The following TNFSF4 variants were observed in gnomAD, a reference collection of about 807,000 sequenced individuals.
TNFSF4 encodes the protein tumor necrosis factor ligand superfamily member 4.
Under a neutral mutation model 7.3 loss-of-function variants are expected in TNFSF4, and 4 were observed. The observed-to-expected ratio is 0.55, with a 90% CI of 0.27 to 1.25. The LOEUF is 1.25. Ranked by LOEUF, TNFSF4 falls within the 50% of genes most tolerant of loss-of-function variation. The pLI is 0.12. For missense variants in TNFSF4, 181 were observed against 208.8 expected, an observed-to-expected ratio of 0.87 and a Z score of 0.82; for synonymous variants, 76 against 83.7, an observed-to-expected ratio of 0.91 and a Z score of 0.50.
chr1:173,329,356 C>T, the TNFSF4 span, among the ~76,000 whole-genome samples: 2 of 152,106 alleles, frequency 1.3e-5, no homozygotes, highest in African/African-American at 2.4e-5. Flanking sequence ...ACTTGTTATG[C>T]TGTATTGTCT....
chr1:173,231,193 T>A, the TNFSF4 span, among the ~76,000 whole-genome samples: 4 of 152,218 alleles, frequency 2.6e-5, no homozygotes, highest in Non-Finnish European at 5.9e-5. Context: ...GCAGAAATCC[T>A]CAGTAAATTA....
At chr1:173,432,389 T>C in the TNFSF4 span, among the ~76,000 whole-genome samples, 1 of 152,160 alleles carries the variant, frequency 6.6e-6, no homozygotes. Context: ...TAATTAAAGA[T>C]AAATGAGTTC....
the TNFSF4 span, among the ~76,000 whole-genome samples, chr1:173,406,263 A>G: frequency 9.3e-5 from 14 of 151,290 alleles, no homozygotes; most frequent in South Asian, 4.2e-4. Flanking sequence ...TACTAGGGGG[A>G]AAAAAAGCAC....
At chr1:173,323,166 C>T in the TNFSF4 span, among the ~76,000 whole-genome samples, 1 of 152,182 alleles carries the variant, frequency 6.6e-6, no homozygotes, top group African/African-American at 2.4e-5. Context: ...CTCACACGGC[C>T]GGGTACTCCT....
chr1:173,248,298 A>G, the TNFSF4 span, among the ~76,000 whole-genome samples: 2 of 152,004 alleles, frequency 1.3e-5, no homozygotes, highest in East Asian at 1.9e-4. Flanking sequence ...CGGAGGTTAC[A>G]GTGAGCCAGA....
the TNFSF4 span, among the ~76,000 whole-genome samples, chr1:173,335,473 T>C: frequency 2.0e-5 from 3 of 151,958 alleles, no homozygotes; most frequent in East Asian, 3.9e-4. Context: ...GATCCTGGGG[T>C]GGCAGTCAAC....
At chr1:173,229,549 A>T in the TNFSF4 span, among the ~76,000 whole-genome samples, 1 of 152,346 alleles carries the variant, frequency 6.6e-6, no homozygotes, top group African/African-American at 2.4e-5. Flanking sequence ...ACCAGCTAAC[A>T]TCATAGTGAC....
At chr1:173,306,620 T>C in the TNFSF4 span, among the ~76,000 whole-genome samples, 2 of 151,924 alleles carry the variant, frequency 1.3e-5, no homozygotes, top group African/African-American at 4.8e-5. Flanking sequence ...CCTACACTTG[T>C]CTACACTTCC....
At chr1:173,339,304 C>A in the TNFSF4 span, among the ~76,000 whole-genome samples, 1 of 152,004 alleles carries the variant, frequency 6.6e-6, no homozygotes, top group Non-Finnish European at 1.5e-5. Context: ...TTCACTTGAG[C>A]CCAGGAGCTA....
At chr1:173,325,641 A>T in the TNFSF4 span, among the ~76,000 whole-genome samples, 2 of 152,204 alleles carry the variant, frequency 1.3e-5, no homozygotes, top group Non-Finnish European at 2.9e-5. Flanking sequence ...AGAAGAAAAG[A>T]GAGAAGAATC....
the TNFSF4 span, among the ~76,000 whole-genome samples, chr1:173,260,894 T>C: frequency 3.3e-5 from 5 of 152,104 alleles, no homozygotes; most frequent in African/African-American, 1.2e-4. Context: ...ATAATGGGCA[T>C]CTTTAACACC....
chr1:173,340,282 C>T, the TNFSF4 span, among the ~76,000 whole-genome samples: 1 of 151,442 alleles, frequency 6.6e-6, no homozygotes, highest in Non-Finnish European at 1.5e-5. Flanking sequence ...TTGTCAGCCT[C>T]CATAATTGTA....
the TNFSF4 span, among the ~76,000 whole-genome samples, chr1:173,295,963 T>C: frequency 1.3e-5 from 2 of 152,024 alleles, no homozygotes; most frequent in African/African-American, 4.8e-5. Flanking sequence ...AGACATGTTA[T>C]AGCAAGTTAG....
chr1:173,243,521 T>G, the TNFSF4 span, among the ~76,000 whole-genome samples: 2 of 152,212 alleles, frequency 1.3e-5, no homozygotes, highest in Non-Finnish European at 2.9e-5. Flanking sequence ...TCTGTTACTA[T>G]GCAGTGGATA....
the TNFSF4 span, among the ~76,000 whole-genome samples, chr1:173,371,509 A>G: frequency 1.3e-5 from 2 of 151,486 alleles, no homozygotes; most frequent in African/African-American, 4.9e-5. Context: ...AGGCTAAAAG[A>G]CCCCCCTCCT....
At chr1:173,211,171 T>C (rs1419410001), upstream of TNFSF4, among the ~76,000 whole-genome samples, 1 of 152,182 alleles carries the variant, frequency 6.6e-6, no homozygotes, top group East Asian at 1.9e-4. Flanking sequence ...GTGTACTCAG[T>C]GCCAATCTCT....
At chr1:173,305,291 T>C in the TNFSF4 span, among the ~76,000 whole-genome samples, 1 of 151,952 alleles carries the variant, frequency 6.6e-6, no homozygotes, top group South Asian at 2.1e-4. Context: ...TTTCAGTATC[T>C]CCATGTACCC....
chr1:173,438,461 C>A, the TNFSF4 span, among the ~76,000 whole-genome samples: 1 of 152,116 alleles, frequency 6.6e-6, no homozygotes, highest in Non-Finnish European at 1.5e-5. Context: ...AAGTGTACTT[C>A]TTTGACCACA....
chr1:173,277,425 G>A, the TNFSF4 span, among the ~76,000 whole-genome samples: 2 of 152,070 alleles, frequency 1.3e-5, no homozygotes, highest in Non-Finnish European at 2.9e-5. Context: ...CCCAATTTTG[G>A]GGGGATGCCC....
Sources: gnomAD v4.1 joint callset for allele counts (sites outside exome capture counted in the v4.1 genomes callset) on GRCh38, gnomAD v4.1.1 for gene constraint, MANE v1.5 for transcripts, NCBI Gene and HGNC (gene_info 2026-07-23, HGNC 2026-07-21) for gene names.